ABCC9: variants seen among roughly 807,000 people sequenced by gnomAD.
ABCC9 encodes the protein ATP-binding cassette sub-family C member 9.
In ABCC9, 95 loss-of-function variants were observed where a neutral mutation model predicts 188.3. The ratio of observed to expected loss-of-function variants is 0.50; its 90% CI spans 0.43 to 0.60. The LOEUF is 0.60. Among genes scored for constraint, ABCC9 ranks in the 20% least tolerant of loss-of-function variants. The pLI is 0.00. For missense variants in ABCC9, 1,102 were observed against 1,876.3 expected (o/e 0.59, Z 7.62); for synonymous variants, 659 against 652.7 (o/e 1.01, Z -0.15).
Position 21,841,347 on chromosome 12 carries a change from C to CTTTTTT in ABCC9, c.3473+961_3473+966dup, listed in dbSNP as rs1174314931. Among the ~76,000 whole-genome samples, 11 of 19,600 alleles carry CTTTTTT rather than the reference C, an allele frequency of 5.6e-4. 2 individuals carry two copies. Among genetic ancestry groups the CTTTTTT allele is most frequent in the African/African-American group, 1.6e-3 (6 of 3,822 alleles). 12.9% of individuals were successfully genotyped at this position (19,600 alleles called of 152,430 possible). On this transcript the variant is annotated intron_variant, in intron 29 of 39. Transcript: ENST00000261200. ...TCTTTGGGATTATGTTTCTGGTTTC[C>CTTTTTT]TTTTTTTTTTTTTTTTTTTTTTTTT...
At chr12:21,851,915 A>G (rs955351048) in intron 24 of ABCC9, among the ~76,000 whole-genome samples, 182 bp downstream of exon 24, 1 of 152,200 alleles carries the variant, frequency 6.6e-6, no homozygotes, top group African/African-American at 2.4e-5. Flanking sequence ...TTAGAATTTT[A>G]TAGGTTCAAA....
intron 4 of ABCC9, among the ~76,000 whole-genome samples, chr12:21,931,711 A>G (rs1811126651): frequency 6.6e-6 from 1 of 152,184 alleles, no homozygotes; most frequent in Non-Finnish European, 1.5e-5. Flanking sequence ...TACTTTATAC[A>G]TACGCATATA....
At chr12:21,861,190 C>G (rs991980040) in intron 20 of ABCC9, 135 bp from the exon 21 acceptor site, 1 of 737,232 alleles carries the variant, frequency 1.4e-6, no homozygotes, top group African/African-American at 1.8e-5. Context: ...CTCTGCTCTA[C>G]ATTTCTGGAT....
intron 29 of ABCC9, 73 bp downstream of exon 29, chr12:21,842,241 G>T: frequency 6.5e-7 from 1 of 1,527,484 alleles, no homozygotes; most frequent in Non-Finnish European, 9.0e-7. Flanking sequence ...ATCTGTTGTT[G>T]GCAGAACCCA....
chr12:21,882,945 C>T, intron 15 of ABCC9, 72 bp from the exon 16 acceptor site: 2 of 1,100,048 alleles, frequency 1.8e-6, no homozygotes, highest in Non-Finnish European at 2.8e-6. Context: ...AACACTTACT[C>T]ACATTGCTAC....
chr12:21,927,589 T>A (rs1264620300), intron 4 of ABCC9, among the ~76,000 whole-genome samples: 1 of 152,114 alleles, frequency 6.6e-6, no homozygotes, highest in African/African-American at 2.4e-5. Flanking sequence ...AGGGTGTCTG[T>A]GTGGATGGCC....
Position 21,800,742 on chromosome 12 carries a change from C to G in ABCC9, c.*302G>C, listed in dbSNP as rs1414952352. ...CCATTCCTGAGAGATATTTACCAGA[C>G]TTAAAGTTAGGAGAAAACTTTAGCT... is the stretch of plus-strand genomic sequence containing the variant. On this transcript the variant is annotated 3_prime_UTR_variant, in exon 40 of 40. Transcript: ENST00000261200. The G allele has an allele frequency of 2.7e-6, 1 of 372,400 alleles. No individual in the cohort carries two copies. The highest frequency in any genetic ancestry group is 5.0e-6 in the Non-Finnish European group (1 of 199,174). 23.1% of individuals were successfully genotyped at this position (372,400 alleles called of 1,614,324 possible).
chr12:21,912,156 C>T (rs1272740130), intron 8 of ABCC9, among the ~76,000 whole-genome samples: 1 of 151,596 alleles, frequency 6.6e-6, no homozygotes, highest in Non-Finnish European at 1.5e-5. Context: ...CATTTTTATA[C>T]GTGATGGAAA....
At chr12:21,860,177 C>T (rs1329133584) in intron 21 of ABCC9, among the ~76,000 whole-genome samples, 1 of 152,092 alleles carries the variant, frequency 6.6e-6, no homozygotes, top group African/African-American at 2.4e-5. Flanking sequence ...TCTTATTCTT[C>T]ATAGCAATTC....
chr12:21,804,813 T>G (rs1941724795), intron 39 of ABCC9, among the ~76,000 whole-genome samples: 1 of 152,232 alleles, frequency 6.6e-6, no homozygotes, highest in African/African-American at 2.4e-5. Context: ...AGTAACTATG[T>G]AAATGAAACA....
chr12:21,937,029 GA>G (rs527762224), intron 2 of ABCC9, among the ~76,000 whole-genome samples: 136 of 151,754 alleles, frequency 9.0e-4, no homozygotes, highest in Non-Finnish European at 1.2e-3. Flanking sequence ...AGAAAAAGGA[GA>G]AAAAAAATTG....
intron 20 of ABCC9, among the ~76,000 whole-genome samples, chr12:21,862,408 C>G (rs1945564101): frequency 6.6e-6 from 1 of 152,008 alleles, no homozygotes; most frequent in South Asian, 2.1e-4. Flanking sequence ...TGCCTCTCCA[C>G]TTACTTTATT....
At position 21,852,536 on chromosome 12, in the gene ABCC9, C is replaced by A. The variant is rs369407735; in HGVS notation, c.2506-31G>T. Reference sequence around the variant, plus strand: ...ATCAGTAAAATGGAGGAAAGATGGACGTTTTCTATACTTGTTACATAACTC... The same window carrying A: ...ATCAGTAAAATGGAGGAAAGATGGAAGTTTTCTATACTTGTTACATAACTC... On this transcript the variant is annotated intron_variant, in intron 22 of 39. Coordinates refer to ENST00000261200, the MANE Select transcript of ABCC9 (RefSeq NM_020297.4). 119 of 1,604,182 alleles carry A rather than the reference C, an allele frequency of 7.4e-5. No homozygotes were observed. The African/African-American group carries it at 1.2e-3, about 17-fold the overall frequency.
chr12:21,850,528 T>A (rs370324676), intron 24 of ABCC9, among the ~76,000 whole-genome samples: 2 of 152,262 alleles, frequency 1.3e-5, no homozygotes, highest in Admixed American at 6.5e-5. Context: ...CTCCTTCAGT[T>A]CATACATAAC....
chr12:21,887,000 A>G (rs1473318094), intron 15 of ABCC9, among the ~76,000 whole-genome samples: 1 of 152,120 alleles, frequency 6.6e-6, no homozygotes, highest in Non-Finnish European at 1.5e-5. Context: ...TTCTTCACAC[A>G]GTGAAACTAT....
rs370036850 is a variant in ABCC9, at chr12:21,869,264, TCCTGCTGGCTG to T, written c.2198+3350_2198+3360del. Among the ~76,000 whole-genome samples the T allele has an allele frequency of 1.4e-4, 22 of 152,322 alleles. 1 individual carries two copies. Among genetic ancestry groups the T allele is most frequent in the African/African-American group, 5.3e-4 (22 of 41,576 alleles). On this transcript the variant is annotated intron_variant, in intron 18 of 39. Transcript: ENST00000261200. ...TCTCAATTTCCTTCTTACACTTTCATCCTGCTGGCTGACTCCAAAGTATATGCTGAATCTAT... is the reference window on the plus strand; with the variant it reads ...TCTCAATTTCCTTCTTACACTTTCATACTCCAAAGTATATGCTGAATCTAT...
At chr12:21,843,930 G>A (rs1944508142) in intron 28 of ABCC9, among the ~76,000 whole-genome samples, 1 of 152,144 alleles carries the variant, frequency 6.6e-6, no homozygotes, top group Admixed American at 6.5e-5. Flanking sequence ...TCATCCAGAG[G>A]GTTCCACTTA....
At chr12:21,933,711 A>AGATGTGAACTTGTGTAATCAATATACC in intron 4 of ABCC9, 71 bp downstream of exon 4, 2 of 1,546,146 alleles carry the variant, frequency 1.3e-6, no homozygotes, top group Non-Finnish European at 1.8e-6. Context: ...CAAGTTACAA[A>AGATGTGAACTTGTGTAATCAATATACC]GATGTGAACT....
intron 7 of ABCC9, among the ~76,000 whole-genome samples, chr12:21,914,304 T>C (rs1259976038): frequency 6.6e-6 from 1 of 152,136 alleles, no homozygotes; most frequent in Non-Finnish European, 1.5e-5. Flanking sequence ...TCTACCACTG[T>C]GGGTAGCATG....
Sources: allele counts gnomAD v4.1 joint callset (sites outside exome capture counted in the v4.1 genomes callset), GRCh38; gene constraint gnomAD v4.1.1; transcripts MANE v1.5; gene names NCBI Gene and HGNC (gene_info 2026-07-23, HGNC 2026-07-21).